CELF2: variants seen among roughly 807,000 people sequenced by gnomAD.
CELF2 encodes the protein CUG triplet repeat RNA-binding protein 2.
CELF2 carries 8 observed loss-of-function variants against 62.6 expected under a neutral mutation model. That is an observed-to-expected ratio of 0.13 (90% CI 0.07 to 0.23). The LOEUF (loss-of-function observed/expected upper bound fraction) is 0.23, where lower values mean the gene tolerates loss of function less well. CELF2 is among the 10% of genes least tolerant of loss of function. The probability of loss-of-function intolerance (pLI) is 1.00; values close to 1 mark genes in which losing one functional copy is unlikely to be tolerated. For synonymous variants in CELF2, 258 were observed against 250.0 expected (o/e 1.03, Z -0.30); for missense variants, 333 against 671.0 (o/e 0.50, Z 5.56).
chr10:10,927,355 A>AAACAAAC (rs2065611171), intron 2 of CELF2: 1 of 150,408 alleles, frequency 6.6e-6, no homozygotes, highest in African/African-American at 2.5e-5. Flanking sequence ...TTAAAAAAAA[A>AAACAAAC]AAAAAAAAAA....
chr10:10,701,697 C>T, the CELF2 span, among the ~76,000 whole-genome samples: 2 of 152,170 alleles, frequency 1.3e-5, no homozygotes, highest in East Asian at 3.9e-4. Context: ...AAGCAGAGAC[C>T]AGTGGCAAAT....
intron 2 of CELF2, among the ~76,000 whole-genome samples, chr10:11,184,634 C>T (rs547105595): frequency 3.9e-5 from 6 of 152,156 alleles, no homozygotes; most frequent in African/African-American, 1.4e-4. Context: ...CAGATTTATC[C>T]CTAGGTGTTT....
rs147441179 is a variant in CELF2, at chr10:11,326,034, G to C, written c.1438+55G>C. On this transcript the variant is annotated intron_variant, in intron 12 of 12. Coordinates refer to ENST00000633077, the MANE Select transcript of CELF2 (RefSeq NM_001326342.2). Reference sequence around the variant, plus strand: ...GCAGTAGGTTCCCAAGTGAAGAGTCGTGGGAAGGAAAATGTGAGACAGTTT... The same window carrying C: ...GCAGTAGGTTCCCAAGTGAAGAGTCCTGGGAAGGAAAATGTGAGACAGTTT... The C allele has an allele frequency of 1.9e-4, 291 of 1,529,250 alleles. 2 individuals carry two copies. The African/African-American group carries it at 2.8e-3, about 14-fold the overall frequency. 94.7% of individuals were successfully genotyped at this position (1,529,250 alleles called of 1,614,324 possible).
At chr10:11,131,089 G>C (rs2059556034) in intron 1 of CELF2, among the ~76,000 whole-genome samples, 1 of 152,194 alleles carries the variant, frequency 6.6e-6, no homozygotes, top group Non-Finnish European at 1.5e-5. Flanking sequence ...CAGTTCTACT[G>C]AAAATACTTG....
chr10:11,074,628 C>T (rs1179004674), intron 1 of CELF2, among the ~76,000 whole-genome samples: 2 of 152,238 alleles, frequency 1.3e-5, no homozygotes, highest in South Asian at 4.2e-4. Context: ...CTGTCTGCGA[C>T]GGGGGACTGG....
Position 11,314,706 on chromosome 10 carries a change from A to T in CELF2, c.1096+448A>T. 4.1e-6 allele frequency: 1 copy of T among 245,176 alleles called. No homozygotes were observed. Among genetic ancestry groups the T allele is most frequent in the Non-Finnish European group, 8.1e-6 (1 of 123,398 alleles). 15.2% of individuals were successfully genotyped at this position (245,176 alleles called of 1,614,324 possible). A position where few individuals can be genotyped will look rare whatever the true frequency, so the allele number is the denominator to read the frequency against. On this transcript the variant is annotated intron_variant, in intron 10 of 12. Coordinates refer to ENST00000633077, the MANE Select transcript of CELF2 (RefSeq NM_001326342.2). This position sits in a 1 kb window ranked among gnomAD's most constrained non-coding sequence, Gnocchi z 5.3. Reference sequence around the variant, plus strand: ...TCCCTCTCTGGGCTTGGGAGTCTCCATTTGAGAATGGAAAGTTCTGGGTCA... The same window carrying T: ...TCCCTCTCTGGGCTTGGGAGTCTCCTTTTGAGAATGGAAAGTTCTGGGTCA...
intron 9 of CELF2, among the ~76,000 whole-genome samples, chr10:11,310,663 G>GT (rs1169739379): frequency 6.6e-6 from 1 of 151,904 alleles, no homozygotes; most frequent in Non-Finnish European, 1.5e-5. Flanking sequence ...GCGAGGGATA[G>GT]TTTTTAACAC....
In CELF2 at chr10:10,957,942, T is replaced by A. The variant is rs1592403319; in HGVS notation, c.89+37943T>A. 6.6e-6 allele frequency among the ~76,000 whole-genome samples: 1 copy of A among 152,350 alleles called. No homozygotes were observed. Among genetic ancestry groups the A allele is most frequent in the East Asian group, 1.9e-4 (1 of 5,188 alleles). On this transcript the variant is annotated intron_variant, in intron 2 of 13. Transcript: ENST00000636488. This position sits in a 1 kb window ranked among gnomAD's most constrained non-coding sequence, Gnocchi z 4.1. Reference sequence around the variant, plus strand: ...ATTTTATGTCACCATTTTTGTTATGTGTTTCAGAGGAGCGCTATGACTTAA... The same window carrying A: ...ATTTTATGTCACCATTTTTGTTATGAGTTTCAGAGGAGCGCTATGACTTAA...
At chr10:10,968,490 G>A (rs2050393084) in intron 2 of CELF2, among the ~76,000 whole-genome samples, 1 of 152,104 alleles carries the variant, frequency 6.6e-6, no homozygotes, top group Admixed American at 6.5e-5. Context: ...AGCACTTATT[G>A]TTTCTAAAAC....
chr10:10,857,681 A>T (rs1260952724), intron 1 of CELF2, among the ~76,000 whole-genome samples: 3 of 137,586 alleles, frequency 2.2e-5, no homozygotes, highest in African/African-American at 8.0e-5. Flanking sequence ...ATATATATAT[A>T]TTTTACCTCA....
At chr10:11,249,074 A>G in intron 3 of CELF2, 79 bp from the exon 4 acceptor site, 1 of 1,110,628 alleles carries the variant, frequency 9.0e-7, no homozygotes, top group Non-Finnish European at 1.4e-6. Context: ...CAGTATCAGT[A>G]ATCGAATTGC....
chr10:10,726,579 G>A, the CELF2 span, among the ~76,000 whole-genome samples: 2 of 152,294 alleles, frequency 1.3e-5, no homozygotes, highest in East Asian at 3.9e-4. Context: ...TGTTCAGGGT[G>A]TTTGGCTGCA....
At chr10:10,633,901 G>A in the CELF2 span, among the ~76,000 whole-genome samples, 2 of 151,618 alleles carry the variant, frequency 1.3e-5, no homozygotes, top group African/African-American at 4.8e-5. Flanking sequence ...TTAAATCTTT[G>A]TATGTATTTG....
At chr10:10,580,135 A>T in the CELF2 span, among the ~76,000 whole-genome samples, 1 of 152,216 alleles carries the variant, frequency 6.6e-6, no homozygotes, top group African/African-American at 2.4e-5. Flanking sequence ...ATATGTTTTC[A>T]TATGAACACT....
chr10:10,526,429 C>G, the CELF2 span, among the ~76,000 whole-genome samples: 1 of 152,192 alleles, frequency 6.6e-6, no homozygotes, highest in Non-Finnish European at 1.5e-5. Context: ...GGTGACTACT[C>G]AGCTTGTTCC....
intron 1 of CELF2, among the ~76,000 whole-genome samples, chr10:11,105,126 C>CTCTA (rs1324246100): frequency 6.6e-6 from 1 of 152,228 alleles, no homozygotes; most frequent in Non-Finnish European, 1.5e-5. Flanking sequence ...GGAAATAAAA[C>CTCTA]TCTAAGTCCA....
chr10:11,257,987 A>G, intron 5 of CELF2, 115 bp downstream of exon 5: 2 of 1,203,600 alleles, frequency 1.7e-6, no homozygotes, highest in Non-Finnish European at 2.3e-6. Context: ...AATACATCCC[A>G]TGTGATAAAG....
intron 1 of CELF2, among the ~76,000 whole-genome samples, chr10:10,801,525 C>T (rs573261416): frequency 1.1e-4 from 16 of 152,206 alleles, no homozygotes; most frequent in Admixed American, 6.5e-4. Context: ...CCACATAGCA[C>T]GGTTGTTAGC....
the CELF2 span, among the ~76,000 whole-genome samples, chr10:10,550,604 A>G: frequency 6.6e-6 from 1 of 152,138 alleles, no homozygotes; most frequent in Non-Finnish European, 1.5e-5. Flanking sequence ...TGGATCTTGC[A>G]ATGAGTTGAT....
Sources: gnomAD v4.1 joint callset for allele counts (sites outside exome capture counted in the v4.1 genomes callset) on GRCh38, gnomAD v4.1.1 for gene constraint, Gnocchi (gnomAD v3.1) non-coding constraint, MANE v1.5 for transcripts, NCBI Gene and HGNC (gene_info 2026-07-23, HGNC 2026-07-21) for gene names.